Variants in STX2 observed in about 807,000 individuals in gnomAD.
STX2 encodes the protein syntaxin-2.
STX2 carries 27 observed loss-of-function variants against 40.6 expected under a neutral mutation model. That is an observed-to-expected ratio of 0.66 (90% confidence interval 0.49 to 0.92). The LOEUF is 0.92. Among genes scored for constraint, STX2 ranks in the 40% least tolerant of loss-of-function variants. The pLI is 0.00. For synonymous variants in STX2, 123 were observed against 119.1 expected (o/e 1.03, Z -0.22); for missense variants, 328 against 366.1 (o/e 0.90, Z 0.85).
chr12:130,827,323 G>C, intron 1 of STX2, 56 bp from the exon 2 acceptor site: 1 of 1,403,236 alleles, frequency 7.1e-7, no homozygotes, highest in South Asian at 1.2e-5. Flanking sequence ...GGCACAAATA[G>C]CGAACTGAAA....
rs771871703 is a variant in STX2, at chr12:130,791,792, C to A, written c.*231G>T. On this transcript the variant is annotated 3_prime_UTR_variant, in exon 11 of 11. Coordinates refer to ENST00000392373, the MANE Select transcript of STX2 (RefSeq NM_194356.4). ...ACTCATACATTACAAGGTCAGCACT[C>A]GATGCCGGGTTACAGCGTCTGAGAT... 1 of 1,001,438 alleles carries A rather than the reference C, an allele frequency of 1.0e-6. No individual in the cohort carries two copies. The highest frequency in any genetic ancestry group is 1.6e-6 in the Non-Finnish European group (1 of 643,052). The allele number at this position is 1,001,438 out of a possible 1,614,324, so 62.0% of individuals were successfully genotyped here.
intron 9 of STX2, among the ~76,000 whole-genome samples, chr12:130,798,237 C>T (rs1400128931): frequency 8.6e-6 from 1 of 115,626 alleles, no homozygotes; most frequent in Non-Finnish European, 1.7e-5. Context: ...GCAACAAGAG[C>T]GAAACTCCAA....
rs994308956 is a variant in STX2 at position 130,801,441 on chromosome 12, C to A, written c.511G>T (p.Gly171Trp). The A allele has an allele frequency of 6.2e-6, 10 of 1,611,014 alleles. No homozygotes were observed. The highest frequency in any genetic ancestry group is 1.3e-5 in the African/African-American group (1 of 74,840). ...DDELEEMLESGKPSIFTSDII... is the reference protein window; with the variant it reads ...DDELEEMLESWKPSIFTSDII... ...TCGGAAGTGAAGATGGATGGCTTCC[C>A]GCTCTCCAGCATCTCTTCTAGCTCG... Residue 171 changes from glycine to tryptophan, a missense_variant, in exon 7 of 11, where the codon GGG (glycine) becomes TGG (tryptophan). By Grantham distance (184) the Gly-to-Trp change is radical. Transcript: ENST00000392373.
chr12:130,811,521 T>C (rs12228957), intron 4 of STX2, among the ~76,000 whole-genome samples: 81,059 of 145,504 alleles, frequency 0.56, 25,235 homozygotes, highest in East Asian at 0.87. Context: ...AAAATGTTAA[T>C]GTCACCATTA....
At chr12:130,830,839 T>C (rs776302761) in intron 1 of STX2, among the ~76,000 whole-genome samples, 10 of 152,198 alleles carry the variant, frequency 6.6e-5, no homozygotes, top group Non-Finnish European at 1.0e-4. Flanking sequence ...GTATTTATTG[T>C]AAATAACCAA....
chr12:130,830,045 G>A lies in STX2; in HGVS notation c.31-2778C>T, dbSNP rs1266665043. ...TGGGAAACTGTAAACATATACAAAAGTAGAAGGAATACTATGGTGAGCCCT... is the reference window on the plus strand; with the variant it reads ...TGGGAAACTGTAAACATATACAAAAATAGAAGGAATACTATGGTGAGCCCT... On this transcript the variant is annotated intron_variant, in intron 1 of 10. Coordinates refer to ENST00000392373, the MANE Select transcript of STX2 (RefSeq NM_194356.4). 3.3e-5 allele frequency among the ~76,000 whole-genome samples: 5 copies of A among 152,334 alleles called. No individual in the cohort carries two copies. The East Asian group carries it at 9.6e-4, about 29-fold the overall frequency.
At chr12:130,798,445 G>A in intron 9 of STX2, 80 bp downstream of exon 9, 1 of 849,366 alleles carries the variant, frequency 1.2e-6, no homozygotes. Flanking sequence ...ATACCTTTTA[G>A]GCAGGCTTAC....
intron 9 of STX2, among the ~76,000 whole-genome samples, chr12:130,796,665 C>A (rs1478892289): frequency 6.6e-6 from 1 of 152,132 alleles, no homozygotes; most frequent in Admixed American, 6.5e-5. Context: ...GGGGACAGCA[C>A]GACCAAGTCA....
chr12:130,800,569 T>C (rs1479522195), intron 8 of STX2, among the ~76,000 whole-genome samples: 2 of 152,384 alleles, frequency 1.3e-5, no homozygotes, highest in Non-Finnish European at 2.9e-5. Flanking sequence ...ATCTGTGTCA[T>C]AGATTGTATC....
At chr12:130,826,773 G>A (rs1310058502) in intron 2 of STX2, among the ~76,000 whole-genome samples, 6 of 151,968 alleles carry the variant, frequency 3.9e-5, no homozygotes, top group Non-Finnish European at 7.4e-5. Context: ...AGCTGAGGCG[G>A]GCGGATTGCC....
chr12:130,815,249 T>TG lies in STX2; in HGVS notation c.206-2219dup, dbSNP rs529401054. On this transcript the variant is annotated intron_variant, in intron 3 of 10. Transcript: ENST00000392373. The stretch of plus-strand genomic sequence containing the variant: ...ACCCCAAGGGGTATTCTGAAATTTG[T>TG]GGGGTATTTCCAGTCATCATAAAAA... Among the ~76,000 whole-genome samples the TG allele has an allele frequency of 6.6e-5, 10 of 152,202 alleles. No individual in the cohort carries two copies. In the East Asian group the frequency reaches 1.7e-3, roughly 27 times the overall value.
intron 2 of STX2, among the ~76,000 whole-genome samples, chr12:130,824,522 G>A (rs1377558742): frequency 2.0e-5 from 3 of 152,196 alleles, no homozygotes; most frequent in African/African-American, 7.2e-5. Context: ...TGGCTCCAGA[G>A]GAACAGGAGA....
chr12:130,801,536 A>G, intron 6 of STX2, 48 bp from the exon 7 acceptor site: 1 of 1,494,758 alleles, frequency 6.7e-7, no homozygotes. Context: ...GCACAATTTA[A>G]AAACAAAGCC....
intron 4 of STX2, among the ~76,000 whole-genome samples, chr12:130,810,143 T>C (rs560803120): frequency 6.6e-6 from 1 of 152,244 alleles, no homozygotes; most frequent in African/African-American, 2.4e-5. Context: ...CTCTTGACAG[T>C]AGATGCTGGC....
At chr12:130,831,416 G>A (rs1952551792) in intron 1 of STX2, among the ~76,000 whole-genome samples, 1 of 152,228 alleles carries the variant, frequency 6.6e-6, no homozygotes, top group Admixed American at 6.5e-5. Flanking sequence ...TGTAATCCCA[G>A]CACTTTGGGA....
chr12:130,799,067 A>T (rs1951129335), intron 8 of STX2, among the ~76,000 whole-genome samples: 1 of 152,264 alleles, frequency 6.6e-6, no homozygotes, highest in African/African-American at 2.4e-5. Flanking sequence ...TTAAATCAGT[A>T]AACTGAGCAT....
At chr12:130,822,322 C>G (rs997340442) in intron 2 of STX2, among the ~76,000 whole-genome samples, 2 of 152,008 alleles carry the variant, frequency 1.3e-5, no homozygotes, top group African/African-American at 4.8e-5. Flanking sequence ...GAAGCTGAGG[C>G]TCAAGAATCG....
At chr12:130,828,273 TG>T (rs1477347042) in intron 1 of STX2, among the ~76,000 whole-genome samples, 3 of 151,956 alleles carry the variant, frequency 2.0e-5, no homozygotes, top group Non-Finnish European at 1.5e-5. Flanking sequence ...GGCTGGAGTG[TG>T]GAGTGTGCAG....
chr12:130,825,012 A>T (rs1410723457), intron 2 of STX2, among the ~76,000 whole-genome samples: 1 of 151,554 alleles, frequency 6.6e-6, no homozygotes, highest in Non-Finnish European at 1.5e-5. Flanking sequence ...AATGGCACTC[A>T]GTGAATTGCA....
Sources: allele counts gnomAD v4.1 joint callset (sites outside exome capture counted in the v4.1 genomes callset), GRCh38; gene constraint gnomAD v4.1.1; transcripts MANE v1.5; gene names NCBI Gene and HGNC (gene_info 2026-07-23, HGNC 2026-07-21).